Variants in PCYT1B observed in about 807,000 individuals in gnomAD.
PCYT1B encodes the protein phosphate cytidylyltransferase 1B, choline, also known as choline-phosphate cytidylyltransferase B.
PCYT1B carries 10 observed loss-of-function variants against 26.4 expected under a neutral mutation model. The ratio of observed to expected loss-of-function variants is 0.38; its 90% CI spans 0.23 to 0.64. PCYT1B has a LOEUF of 0.64. PCYT1B is among the 30% of genes least tolerant of loss of function. PCYT1B has a pLI of 0.56. For missense variants in PCYT1B, 161 were observed against 292.7 expected, an observed-to-expected ratio of 0.55 and a Z score of 3.28; for synonymous variants, 131 against 108.4, an observed-to-expected ratio of 1.21 and a Z score of -1.29.
chrX:24,669,821 C>G (rs1028942856), intron 1 of PCYT1B, among the ~76,000 whole-genome samples: 6 of 108,365 alleles, frequency 5.5e-5, no homozygotes, highest in Non-Finnish European at 1.1e-4. Flanking sequence ...GTGGAAGGAT[C>G]GCTTGAGGCC....
At chrX:24,579,224 G>C (rs1316440954) in intron 6 of PCYT1B, 92 bp downstream of exon 6, 7 of 837,723 alleles carry the variant, frequency 8.4e-6, no homozygotes, top group African/African-American at 4.1e-5. Flanking sequence ...GGAGAACACT[G>C]CATAGCACTT....
At chrX:24,591,512 C>G (rs747141040) in intron 3 of PCYT1B, among the ~76,000 whole-genome samples, 11 of 111,190 alleles carry the variant, frequency 9.9e-5, no homozygotes, top group Non-Finnish European at 1.7e-4. Flanking sequence ...CAACCTCCAC[C>G]TCCCAGGTTC....
intron 1 of PCYT1B, among the ~76,000 whole-genome samples, chrX:24,643,661 C>T (rs1414451590): frequency 2.7e-5 from 3 of 112,151 alleles, no homozygotes; most frequent in Admixed American, 9.5e-5. Flanking sequence ...TACAAGTTTT[C>T]CTGGCAGAAG....
chrX:24,653,206 A>G (rs765864884), intron 1 of PCYT1B, among the ~76,000 whole-genome samples: 1 of 111,162 alleles, frequency 9.0e-6, no homozygotes, highest in South Asian at 3.9e-4. Context: ...TTTTGCGCCA[A>G]CCTAATAAAG....
At chrX:24,581,698 C>T (rs1924212166) in intron 5 of PCYT1B, among the ~76,000 whole-genome samples, 1 of 112,410 alleles carries the variant, frequency 8.9e-6, no homozygotes, top group Non-Finnish European at 1.9e-5. Context: ...TCGTCCTCTT[C>T]TACATTCTCA....
chrX:24,623,485 C>T (rs1299102010), intron 1 of PCYT1B, among the ~76,000 whole-genome samples: 1 of 107,702 alleles, frequency 9.3e-6, no homozygotes, highest in African/African-American at 3.4e-5. Context: ...TGGCCCAGTG[C>T]CCTGGACCTC....
intron 3 of PCYT1B, among the ~76,000 whole-genome samples, chrX:24,590,856 C>A (rs1003833737): frequency 2.0e-4 from 20 of 100,755 alleles, no homozygotes; most frequent in African/African-American, 6.7e-4. Context: ...TGCAGTGGCT[C>A]CATCTCAGCT....
intron 7 of PCYT1B, among the ~76,000 whole-genome samples, chrX:24,565,471 G>A (rs187291723): frequency 9.1e-6 from 1 of 110,478 alleles, no homozygotes; most frequent in African/African-American, 3.3e-5. Context: ...GTGGAGATGG[G>A]GAGTGGGTCC....
At chrX:24,586,581 A>C (rs974472055) in intron 5 of PCYT1B, among the ~76,000 whole-genome samples, 1 of 112,199 alleles carries the variant, frequency 8.9e-6, no homozygotes, top group African/African-American at 3.2e-5. Context: ...TGAAATCCCT[A>C]TGCATATGGT....
intron 7 of PCYT1B, among the ~76,000 whole-genome samples, chrX:24,568,235 G>A (rs1267629219): frequency 6.3e-5 from 7 of 111,633 alleles, no homozygotes; most frequent in South Asian, 7.5e-4. Context: ...CTCTAAGGGC[G>A]TTGAAGTGTG....
intron 1 of PCYT1B, among the ~76,000 whole-genome samples, chrX:24,641,339 C>G (rs1487800641): frequency 8.9e-6 from 1 of 112,331 alleles, no homozygotes; most frequent in Non-Finnish European, 1.9e-5. Context: ...TCCTTTCCCA[C>G]TGTCCTTCTA....
chrX:24,569,425 T>C (rs1374288474), intron 7 of PCYT1B, among the ~76,000 whole-genome samples: 1 of 111,917 alleles, frequency 8.9e-6, no homozygotes, highest in Non-Finnish European at 1.9e-5. Context: ...TACCATGTTG[T>C]CCAGCAATTC....
chrX:24,576,666 T>A (rs1171294194), intron 6 of PCYT1B, among the ~76,000 whole-genome samples: 1 of 111,410 alleles, frequency 9.0e-6, no homozygotes, highest in Non-Finnish European at 1.9e-5. Flanking sequence ...AGTCCTTGAT[T>A]TCGACCTTCC....
chrX:24,665,648 T>G (rs540519379), intron 1 of PCYT1B, among the ~76,000 whole-genome samples: 4 of 111,709 alleles, frequency 3.6e-5, no homozygotes, highest in Admixed American at 1.9e-4. Flanking sequence ...GTAAGAAGAC[T>G]TCTACTGTAC....
intron 1 of PCYT1B, among the ~76,000 whole-genome samples, chrX:24,627,200 C>T (rs754888378): frequency 1.8e-4 from 20 of 111,583 alleles, no homozygotes; most frequent in African/African-American, 5.8e-4. Context: ...TTGGAGGAAG[C>T]GAGCAAAAAA....
intron 1 of PCYT1B, among the ~76,000 whole-genome samples, chrX:24,654,253 C>T (rs1253044801): frequency 1.1e-4 from 12 of 104,598 alleles, no homozygotes; most frequent in Admixed American, 7.3e-4. Context: ...TACAGGCATG[C>T]GCCACCACGC....
intron 1 of PCYT1B, among the ~76,000 whole-genome samples, chrX:24,653,304 C>T (rs1926823981): frequency 9.0e-6 from 1 of 111,266 alleles, no homozygotes; most frequent in Non-Finnish European, 1.9e-5. Flanking sequence ...ATAGTCAACA[C>T]CTGACCCACT....
intron 1 of PCYT1B, among the ~76,000 whole-genome samples, chrX:24,629,580 A>AAAAAC (rs1925993081): frequency 1.0e-5 from 1 of 100,133 alleles, no homozygotes; most frequent in Non-Finnish European, 2.1e-5. Flanking sequence ...AAAAAAAAAA[A>AAAAAC]AAAAAAAAAA....
chrX:24,670,736 T>G (rs764833853), intron 1 of PCYT1B, among the ~76,000 whole-genome samples: 1 of 111,451 alleles, frequency 9.0e-6, no homozygotes, highest in East Asian at 2.8e-4. Flanking sequence ...TACAATTACA[T>G]AAAATAAGCC....
Sources: gnomAD v4.1 joint callset for allele counts (sites outside exome capture counted in the v4.1 genomes callset) on GRCh38, gnomAD v4.1.1 for gene constraint, MANE v1.5 for transcripts, NCBI Gene and HGNC (gene_info 2026-07-23, HGNC 2026-07-21) for gene names.